Variants in ATF7 observed in about 807,000 individuals in gnomAD.
ATF7 encodes activating transcription factor 7, also known as cyclic AMP-dependent transcription factor ATF-7.
Under a neutral mutation model 50.4 loss-of-function variants are expected in ATF7, and 10 were observed. The observed-to-expected ratio is 0.20, with a 90% confidence interval of 0.12 to 0.34. The LOEUF is 0.34. Ranked by LOEUF, ATF7 falls within the 10% of genes least tolerant of loss-of-function variation. The pLI is 1.00. For missense variants in ATF7, 465 were observed against 613.9 expected, an observed-to-expected ratio of 0.76 and a Z score of 2.56; for synonymous variants, 201 against 226.4, an observed-to-expected ratio of 0.89 and a Z score of 1.01.
At chr12:53,555,966 C>T (rs1940727408) in intron 2 of ATF7, among the ~76,000 whole-genome samples, 1 of 151,952 alleles carries the variant, frequency 6.6e-6, no homozygotes. Context: ...CAGGTGCCTG[C>T]TACCACACTT....
rs549281184 is a variant in ATF7, at chr12:53,549,998, G to A, written c.145+2543C>T. On this transcript the variant is annotated intron_variant, in intron 3 of 11. Transcript: ENST00000420353. Reference sequence around the variant, plus strand: ...CTTCTAAAGTGCTGAAATTACAGGCGTGAGCCACCGCGTCCAGCCTTAAAT... The same window carrying A: ...CTTCTAAAGTGCTGAAATTACAGGCATGAGCCACCGCGTCCAGCCTTAAAT... Among the ~76,000 whole-genome samples the A allele has an allele frequency of 5.3e-4, 80 of 152,200 alleles. No individual in the cohort carries two copies. The South Asian group carries it at 0.014, about 27-fold the overall frequency.
intron 2 of ATF7, among the ~76,000 whole-genome samples, chr12:53,579,841 G>A (rs545485574): frequency 1.3e-5 from 2 of 151,256 alleles, no homozygotes; most frequent in Admixed American, 6.6e-5. Flanking sequence ...TGTGCGCAAT[G>A]CCTCAGCACA....
chr12:53,543,038 A>C, intron 4 of ATF7: 1 of 1,274,188 alleles, frequency 7.8e-7, no homozygotes, highest in Non-Finnish European at 1.0e-6. Context: ...CATCTTCAAC[A>C]TATTTATAAT....
chr12:53,563,643 G>C (rs1565957034), intron 2 of ATF7, among the ~76,000 whole-genome samples: 1 of 152,158 alleles, frequency 6.6e-6, no homozygotes, highest in Non-Finnish European at 1.5e-5. Context: ...ACTACTAGAG[G>C]GTTAAAAACA....
chr12:53,565,899 T>C (rs981078122), intron 2 of ATF7, among the ~76,000 whole-genome samples: 3 of 152,160 alleles, frequency 2.0e-5, no homozygotes, highest in Non-Finnish European at 4.4e-5. Flanking sequence ...GGGTAATTTA[T>C]AAAGGAAAGA....
chr12:53,579,728 A>G lies in ATF7; in HGVS notation c.48+21225T>C, dbSNP rs555527094. On this transcript the variant is annotated intron_variant, in intron 2 of 11. Coordinates refer to ENST00000420353, the MANE Select transcript of ATF7 (RefSeq NM_006856.3). ...ACTTTCTCCCTCTGCAGGATCTTCA[A>G]TAGAAAGGTCCTGTCCTGAGGAAAC... 1.3e-4 allele frequency among the ~76,000 whole-genome samples: 20 copies of G among 152,248 alleles called. No individual in the cohort carries two copies. The South Asian group carries it at 3.1e-3, about 24-fold the overall frequency.
chr12:53,553,517 G>A (rs1400899673), intron 2 of ATF7, among the ~76,000 whole-genome samples: 3 of 152,160 alleles, frequency 2.0e-5, no homozygotes, highest in Non-Finnish European at 4.4e-5. Flanking sequence ...TTATGATTAA[G>A]TAAAATAGGG....
At chr12:53,580,090 C>T (rs1057136537) in intron 2 of ATF7, among the ~76,000 whole-genome samples, 3 of 151,868 alleles carry the variant, frequency 2.0e-5, no homozygotes, top group Non-Finnish European at 4.4e-5. Context: ...ACTGCCACAC[C>T]TGGCTAATTT....
At chr12:53,614,695 A>G (rs1324088252) in intron 1 of ATF7, among the ~76,000 whole-genome samples, 2 of 152,224 alleles carry the variant, frequency 1.3e-5, no homozygotes, top group Non-Finnish European at 2.9e-5. Flanking sequence ...GGTTATTCCA[A>G]TGCTCGCCAA....
chr12:53,532,831 C>A (rs1592803337), intron 7 of ATF7, among the ~76,000 whole-genome samples: 1 of 152,046 alleles, frequency 6.6e-6, no homozygotes, highest in African/African-American at 2.4e-5. Context: ...AGTGTTGGGG[C>A]AATTTCTGTG....
At chr12:53,571,277 CT>C (rs892795777) in intron 2 of ATF7, among the ~76,000 whole-genome samples, 1 of 152,086 alleles carries the variant, frequency 6.6e-6, no homozygotes. Context: ...TCTTGGTGGG[CT>C]TTTGGTCTCC....
chr12:53,538,829 G>C (rs958431485), intron 4 of ATF7, among the ~76,000 whole-genome samples: 1 of 152,120 alleles, frequency 6.6e-6, no homozygotes. Flanking sequence ...GGTAGTAGTG[G>C]TTCATTTTCC....
At chr12:53,555,753 G>A (rs140910991) in intron 2 of ATF7, among the ~76,000 whole-genome samples, 1,563 of 149,462 alleles carry the variant, frequency 0.01, 16 homozygotes, top group Non-Finnish European at 0.016. Context: ...CAGGTGATCC[G>A]CCTGCCTTGA....
intron 11 of ATF7, 38 bp from the exon 12 acceptor site, chr12:53,517,392 T>C: frequency 6.4e-7 from 1 of 1,571,360 alleles, no homozygotes; most frequent in Non-Finnish European, 8.7e-7. Flanking sequence ...GAGCAATTGG[T>C]TAGAAAACAG....
At chr12:53,596,642 C>T (rs759299087) in intron 2 of ATF7, among the ~76,000 whole-genome samples, 1 of 152,084 alleles carries the variant, frequency 6.6e-6, no homozygotes, top group Non-Finnish European at 1.5e-5. Context: ...TATCTAACTG[C>T]GTTTATATGA....
chr12:53,523,221 T>C, intron 11 of ATF7, 55 bp downstream of exon 11: 1 of 1,260,964 alleles, frequency 7.9e-7, no homozygotes, highest in East Asian at 2.3e-5. Context: ...GTTGAGACAC[T>C]CAGTACATGC....
At chr12:53,540,853 T>TC (rs1939510487) in intron 4 of ATF7, among the ~76,000 whole-genome samples, 1 of 152,140 alleles carries the variant, frequency 6.6e-6, no homozygotes, top group African/African-American at 2.4e-5. Flanking sequence ...AGGCTCAGCC[T>TC]CCTAAGTAGC....
intron 2 of ATF7, among the ~76,000 whole-genome samples, chr12:53,600,347 T>TC (rs1209598024): frequency 6.6e-6 from 1 of 151,710 alleles, no homozygotes; most frequent in East Asian, 1.9e-4. Context: ...TTTCTTTCTT[T>TC]TTTTTTTTTT....
downstream of ATF7, among the ~76,000 whole-genome samples, chr12:53,510,556 C>T (rs969298161): frequency 1.3e-5 from 2 of 151,042 alleles, no homozygotes; most frequent in Non-Finnish European, 2.9e-5. Context: ...TGTGACTTGG[C>T]TAAACCTCAA....
Sources: gnomAD v4.1 joint callset for allele counts (sites outside exome capture counted in the v4.1 genomes callset) on GRCh38, gnomAD v4.1.1 for gene constraint, MANE v1.5 for transcripts, NCBI Gene and HGNC (gene_info 2026-07-23, HGNC 2026-07-21) for gene names.